Variants in MX2 observed in about 807,000 individuals in gnomAD.
MX2 encodes the protein interferon-induced GTP-binding protein Mx2.
A neutral mutation model predicts 74.0 loss-of-function variants in MX2; 51 were observed. The observed-to-expected ratio is 0.69, with a 90% CI of 0.55 to 0.87. The LOEUF is 0.87. Among genes scored for constraint, MX2 ranks in the 40% least tolerant of loss-of-function variants. The pLI, the probability that MX2 is intolerant of heterozygous loss-of-function variation, is 0.00. For synonymous variants in MX2, 369 were observed against 339.3 expected (o/e 1.09, Z -0.96); for missense variants, 832 against 908.7 (o/e 0.92, Z 1.09).
At position 41,380,104 on chromosome 21, in the gene MX2, A is replaced by G; in HGVS notation, c.530A>G (p.Glu177Gly). 1 of 1,613,996 alleles carries G rather than the reference A, an allele frequency of 6.2e-7. No individual in the cohort carries two copies. Among genetic ancestry groups the G allele is most frequent in the East Asian group, 2.2e-5 (1 of 44,878 alleles). ...WAGRISYRNT[E>G]LELQDPGQVE... is the part of the protein sequence containing the mutation. Reference sequence around the variant, plus strand: ...GGAAGGATCAGCTACCGGAACACCGAGCTAGAGCTTCAGGACCCTGGCCAG... The same window carrying G: ...GGAAGGATCAGCTACCGGAACACCGGGCTAGAGCTTCAGGACCCTGGCCAG... The change falls in exon 4 of 14, where the codon GAG (glutamate) becomes GGG (glycine). Residue 177 changes from glutamate (E) to glycine (G), a missense_variant. By Grantham distance (98) the Glu-to-Gly change is moderately conservative. Coordinates refer to ENST00000330714, the MANE Select transcript of MX2 (RefSeq NM_002463.2). The surrounding 1 kb of genome is among the most constrained non-coding windows in gnomAD (Gnocchi z 4.3).
chr21:41,378,035 A>G, intron 3 of MX2, 54 bp downstream of exon 3: 1 of 1,565,298 alleles, frequency 6.4e-7, no homozygotes, highest in Non-Finnish European at 8.7e-7. Flanking sequence ...CCTGTAAGCC[A>G]CAAAGCTTCC....
chr21:41,379,397 C>G lies in MX2; in HGVS notation c.443-620C>G, dbSNP rs540866505. Among the ~76,000 whole-genome samples the G allele has an allele frequency of 7.2e-5, 11 of 152,310 alleles. No homozygotes were observed. In the South Asian group the frequency reaches 2.3e-3, roughly 32 times the overall value. On this transcript the variant is annotated intron_variant, in intron 3 of 13. Transcript: ENST00000330714. ...GGAACTCAGCACCGCTCCCACCTTTCCTGGGTTCAGTAGCATCGGAGGATC... is the reference window on the plus strand; with the variant it reads ...GGAACTCAGCACCGCTCCCACCTTTGCTGGGTTCAGTAGCATCGGAGGATC...
chr21:41,398,075 T>TAA (rs2089759332), intron 8 of MX2, among the ~76,000 whole-genome samples: 1 of 152,198 alleles, frequency 6.6e-6, no homozygotes, highest in Non-Finnish European at 1.5e-5. Flanking sequence ...TTTGGGAGGC[T>TAA]AAAGCCAGTG....
In MX2 at chr21:41,376,853, G is replaced by A. The variant is rs115652089; in HGVS notation, c.-54G>A. 552 of 1,597,772 alleles carry A rather than the reference G, an allele frequency of 3.5e-4. 1 individual carries two copies. The African/African-American group carries it at 6.0e-3, about 17-fold the overall frequency. On this transcript the variant is annotated 5_prime_UTR_variant, in exon 2 of 14. Transcript: ENST00000330714. ...CTTTGCAGAGCTTGTCAGGAAGATC[G>A]GAGGTGCCAAGTAGCAGAGAAAGCA...
At chr21:41,389,589 A>G (rs1007996807) in intron 5 of MX2, 17 of 152,210 alleles carry the variant, frequency 1.1e-4, no homozygotes, top group African/African-American at 1.9e-4. Flanking sequence ...AAGATTGCTT[A>G]TAACTTTAGC....
chr21:41,391,382 AT>A (rs556021558), intron 6 of MX2, among the ~76,000 whole-genome samples: 55 of 150,146 alleles, frequency 3.7e-4, no homozygotes, highest in Admixed American at 1.1e-3. Context: ...TTATCAATAA[AT>A]ATTAGCTTTT....
Position 41,380,930 on chromosome 21 carries a change from C to A in MX2, c.577+779C>A, listed in dbSNP as rs1241131015. Among the ~76,000 whole-genome samples, 1 of 152,168 alleles carries A rather than the reference C, an allele frequency of 6.6e-6. No individual in the cohort carries two copies. Reference sequence around the variant, plus strand: ...CAGCCAGGATAGATGGAAAAACAATCCTGAATGTACTAAGACTCCCTGCAG... The same window carrying A: ...CAGCCAGGATAGATGGAAAAACAATACTGAATGTACTAAGACTCCCTGCAG... On this transcript the variant is annotated intron_variant, in intron 4 of 13. Coordinates refer to ENST00000330714, the MANE Select transcript of MX2 (RefSeq NM_002463.2). This position sits in a 1 kb window ranked among gnomAD's most constrained non-coding sequence, Gnocchi z 4.3.
chr21:41,362,711 AAAGGAGAC>A, intron 1 of MX2, among the ~76,000 whole-genome samples: 1 of 150,072 alleles, frequency 6.7e-6, no homozygotes, highest in East Asian at 1.9e-4. Context: ...TATAGAGCGG[AAAGGAGAC>A]ATGGTGGTAT....
intron 1 of MX2, among the ~76,000 whole-genome samples, chr21:41,369,459 G>T: frequency 6.6e-6 from 1 of 152,208 alleles, no homozygotes; most frequent in South Asian, 2.1e-4. Context: ...ACTGCAGAGA[G>T]GGCAGTCCAG....
rs2089464300 is a variant in MX2, at chr21:41,379,895, C to T, written c.443-122C>T. ...GACCCCCTCACCTACTACCAGGCCCCAGGGAGAGCCAGAAAGTGCAGACGA... is the reference window on the plus strand; with the variant it reads ...GACCCCCTCACCTACTACCAGGCCCTAGGGAGAGCCAGAAAGTGCAGACGA... On this transcript the variant is annotated intron_variant, in intron 3 of 13. Transcript: ENST00000330714. 2.3e-6 allele frequency: 3 copies of T among 1,294,326 alleles called. No homozygotes were observed. The East Asian group carries it at 7.0e-5, about 30-fold the overall frequency. 80.2% of individuals were successfully genotyped at this position (1,294,326 alleles called of 1,614,324 possible).
intron 13 of MX2, 91 bp from the exon 14 acceptor site, chr21:41,407,900 G>T: frequency 6.5e-7 from 1 of 1,536,772 alleles, no homozygotes; most frequent in South Asian, 1.2e-5. Context: ...AGGCAACCAT[G>T]TGCGCATCCA....
At chr21:41,399,505 G>A in intron 10 of MX2, 168 bp downstream of exon 10, 1 of 667,828 alleles carries the variant, frequency 1.5e-6, no homozygotes, top group South Asian at 2.1e-5. Flanking sequence ...GAAATATGGG[G>A]CATCGACCTC....
At chr21:41,396,629 C>T (rs887556175) in intron 7 of MX2, among the ~76,000 whole-genome samples, 6 of 152,156 alleles carry the variant, frequency 3.9e-5, no homozygotes, top group Non-Finnish European at 8.8e-5. Flanking sequence ...TTACGTAACA[C>T]GACATACACA....
At position 41,408,334 on chromosome 21, in the gene MX2, C is replaced by T. The variant is rs2089914303; in HGVS notation, c.*101C>T. On this transcript the variant is annotated 3_prime_UTR_variant, in exon 14 of 14. Transcript: ENST00000330714. ...CTGCTTTGGGGCCAAACTCTTCTGT[C>T]ACTATCAGTGTCCATCTCTACTGTA... 2.0e-6 allele frequency: 3 copies of T among 1,474,168 alleles called. No individual in the cohort carries two copies. Among genetic ancestry groups the T allele is most frequent in the Non-Finnish European group, 1.8e-6 (2 of 1,089,446 alleles). The allele number at this position is 1,474,168 out of a possible 1,614,324, so 91.3% of individuals were successfully genotyped here.
intron 12 of MX2, among the ~76,000 whole-genome samples, chr21:41,405,364 T>C (rs541179923): frequency 1.3e-5 from 2 of 152,200 alleles, no homozygotes; most frequent in East Asian, 3.9e-4. Context: ...TTATTAACAA[T>C]AAAAATTTGT....
In MX2 at chr21:41,376,934, T is replaced by C; in HGVS notation, c.28T>C (p.Tyr10His). MSKAHKPWP[Y>H]RRRSQFSSRK... ...GTCTAAGGCCCACAAGCCTTGGCCC[T>C]ACCGGAGGAGAAGTCAATTTTCTTC... Residue 10 changes from tyrosine (Y) to histidine (H), a missense_variant, in exon 2 of 14, where the codon TAC becomes CAC. By Grantham distance (83) the Tyr-to-His change is moderately conservative. Transcript: ENST00000330714. The C allele has an allele frequency of 6.2e-7, 1 of 1,613,994 alleles. No homozygotes were observed. The highest frequency in any genetic ancestry group is 2.2e-5 in the East Asian group (1 of 44,876).
Position 41,406,896 on chromosome 21 carries a change from G to A in MX2, c.1803G>A (p.Gly601=). 6.2e-7 allele frequency: 1 copy of A among 1,614,192 alleles called. No individual in the cohort carries two copies. Among genetic ancestry groups the A allele is most frequent in the Non-Finnish European group, 8.5e-7 (1 of 1,180,030 alleles). The change falls in exon 13 of 14, where the codon GGG becomes GGA. Residue 601 remains glycine, a synonymous_variant. Coordinates refer to ENST00000330714, the MANE Select transcript of MX2 (RefSeq NM_002463.2). ...KVREEIFNPL[G]TPSQNMKLNS... ...GAGAAGAGATTTTTAACCCTCTGGG[G>A]ACGCCTTCACAGAATATGAAGTTGA... is the stretch of plus-strand genomic sequence containing the variant.
intron 5 of MX2, among the ~76,000 whole-genome samples, chr21:41,386,489 T>C (rs1217438955): frequency 3.3e-5 from 5 of 152,204 alleles, no homozygotes; most frequent in African/African-American, 1.2e-4. Context: ...AGAACTGTTA[T>C]GGCAGAGGGA....
chr21:41,367,546 A>T (rs556533839), intron 1 of MX2, among the ~76,000 whole-genome samples: 1 of 152,204 alleles, frequency 6.6e-6, no homozygotes, highest in East Asian at 1.9e-4. Context: ...AATAAACCAA[A>T]TCCCTTTTTT....
Sources: gnomAD v4.1 joint callset for allele counts (sites outside exome capture counted in the v4.1 genomes callset) on GRCh38, gnomAD v4.1.1 for gene constraint, Gnocchi (gnomAD v3.1) non-coding constraint, MANE v1.5 for transcripts, NCBI Gene and HGNC (gene_info 2026-07-23, HGNC 2026-07-21) for gene names.